The following KCNAB2 variants were observed in gnomAD, a reference collection of about 807,000 sequenced individuals.
The protein encoded by KCNAB2 is potassium voltage-gated channel subfamily A regulatory beta subunit 2, also known as voltage-gated potassium channel subunit beta-2.
KCNAB2 carries 29 observed loss-of-function variants against 63.6 expected under a neutral mutation model. That is an observed-to-expected ratio of 0.46 (90% CI 0.34 to 0.62). The LOEUF is 0.62. Ranked by LOEUF, KCNAB2 falls within the 20% of genes least tolerant of loss-of-function variation. KCNAB2 has a pLI of 0.01. For synonymous variants in KCNAB2, 222 were observed against 224.2 expected (o/e 0.99, Z 0.09); for missense variants, 359 against 563.9 (o/e 0.64, Z 3.68).
Position 6,098,584 on chromosome 1 carries a change from G to A in KCNAB2, c.*10G>A, listed in dbSNP as rs1355804493. 2.5e-6 allele frequency: 4 copies of A among 1,612,754 alleles called. No homozygotes were observed. Among genetic ancestry groups the A allele is most frequent in the East Asian group, 2.2e-5 (1 of 44,876 alleles). ...GGACTACAGATCCTAAGCCGCCCCC[G>A]CCCGCCTGCTCGGACAGTTTCCGTT... is the stretch of plus-strand genomic sequence containing the variant. On this transcript the variant is annotated 3_prime_UTR_variant, in exon 16 of 16. Transcript: ENST00000378083.
chr1:6,079,475 T>C (rs952086075), intron 4 of KCNAB2, among the ~76,000 whole-genome samples: 10 of 151,782 alleles, frequency 6.6e-5, no homozygotes, highest in Middle Eastern at 6.8e-3. Context: ...GCCAAGATTG[T>C]GCCACTGCAC....
chr1:6,016,065 A>G (rs576401046), intron 1 of KCNAB2, among the ~76,000 whole-genome samples: 6 of 152,358 alleles, frequency 3.9e-5, no homozygotes, highest in African/African-American at 1.4e-4. Flanking sequence ...CTCTGATGCA[A>G]GGAACATCTT....
upstream of KCNAB2, among the ~76,000 whole-genome samples, chr1:6,040,987 C>T (rs2100458920): frequency 6.6e-6 from 1 of 152,360 alleles, no homozygotes; most frequent in East Asian, 1.9e-4. Context: ...CATCCTGTTC[C>T]TCCCACTTTA....
chr1:6,088,989 C>T lies in KCNAB2; in HGVS notation c.471-19C>T, dbSNP rs373324882. On this transcript the variant is annotated intron_variant, in intron 7 of 15. Coordinates refer to ENST00000378083, the MANE Select transcript of KCNAB2 (RefSeq NM_001199862.2). ...CCAAAACCGCTGGTGACATCACACG[C>T]GGTCGGCCTGTTTTCCAGGGCGGAG... 1.0e-5 allele frequency: 16 copies of T among 1,548,628 alleles called. No homozygotes were observed. The highest frequency in any genetic ancestry group is 3.4e-4 in the Middle Eastern group (2 of 5,818).
At chr1:6,082,681 C>T (rs1032667924) in intron 5 of KCNAB2, among the ~76,000 whole-genome samples, 1 of 152,198 alleles carries the variant, frequency 6.6e-6, no homozygotes, top group Non-Finnish European at 1.5e-5. Flanking sequence ...GTGGGGAGCA[C>T]TTCCCATCTT....
At chr1:6,048,010 C>T (rs778648764) in intron 1 of KCNAB2, among the ~76,000 whole-genome samples, 53 of 152,214 alleles carry the variant, frequency 3.5e-4, no homozygotes, top group Non-Finnish European at 5.4e-4. Context: ...AGATTGCAAG[C>T]GGGCCCCCAC....
exon 1 of KCNAB2, chr1:6,034,777 G>T (rs931477600): frequency 3.3e-5 from 5 of 152,424 alleles, no homozygotes; most frequent in Non-Finnish European, 7.3e-5. Flanking sequence ...CTGGCCTTCA[G>T]CAGGCTGGGT....
intron 1 of KCNAB2, among the ~76,000 whole-genome samples, chr1:5,993,436 C>T (rs1656688416): frequency 6.6e-6 from 1 of 152,182 alleles, no homozygotes; most frequent in African/African-American, 2.4e-5. Context: ...ACCGCCACTT[C>T]TGACCCTGAG....
At chr1:6,014,492 A>T (rs1658371270) in intron 1 of KCNAB2, among the ~76,000 whole-genome samples, 1 of 152,264 alleles carries the variant, frequency 6.6e-6, no homozygotes, top group African/African-American at 2.4e-5. Context: ...AGTCTGTATG[A>T]GCAACTCAAA....
chr1:6,059,678 C>T (rs866078590), intron 2 of KCNAB2, among the ~76,000 whole-genome samples: 1 of 152,122 alleles, frequency 6.6e-6, no homozygotes, highest in Non-Finnish European at 1.5e-5. Flanking sequence ...GAGAGGTGCT[C>T]GCTTGGGGCT....
Position 6,098,480 on chromosome 1 carries a change from C to G in KCNAB2, c.1159-5C>G. The stretch of plus-strand genomic sequence containing the variant: ...ATTCTGATTTGTTGTTGTTCTTGCA[C>G]GCAGGTCCTTCCGAAACTGTCATCT... On this transcript the variant is annotated splice_region_variant and splice_polypyrimidine_tract_variant and intron_variant, in intron 15 of 15. Transcript: ENST00000378083. The G allele has an allele frequency of 1.2e-6, 2 of 1,613,812 alleles. No individual in the cohort carries two copies. The highest frequency in any genetic ancestry group is 1.7e-6 in the Non-Finnish European group (2 of 1,179,888).
At chr1:6,098,107 G>C in intron 15 of KCNAB2, 2 of 994,644 alleles carry the variant, frequency 2.0e-6, no homozygotes, top group Non-Finnish European at 2.4e-6. Context: ...GTCGGTCCCC[G>C]GGTGTGTCAC....
At chr1:6,009,902 A>C (rs1570850074) in intron 1 of KCNAB2, among the ~76,000 whole-genome samples, 16 of 133,190 alleles carry the variant, frequency 1.2e-4, no homozygotes, top group Admixed American at 2.4e-4. Flanking sequence ...ACAGGGTCTC[A>C]CTCTGCCGCC....
intron 3 of KCNAB2, 108 bp downstream of exon 3, chr1:6,072,906 A>C: frequency 9.8e-7 from 1 of 1,023,686 alleles, no homozygotes; most frequent in Non-Finnish European, 1.5e-6. Context: ...AAACCTTGGC[A>C]CTCCCCAGGG....
At chr1:6,075,685 A>G (rs546915121) in intron 4 of KCNAB2, among the ~76,000 whole-genome samples, 1 of 152,256 alleles carries the variant, frequency 6.6e-6, no homozygotes. Flanking sequence ...GCAGGGAAGC[A>G]AGGACCGTCC....
rs189956990 is a variant in KCNAB2 at position 6,051,861 on chromosome 1, G to A, written c.218+107G>A. Reference sequence around the variant, plus strand: ...GTTCACACCTGTAATCCCAGCACTTGGGGAGGCAGAGGCGGGTGGATCACC... The same window carrying A: ...GTTCACACCTGTAATCCCAGCACTTAGGGAGGCAGAGGCGGGTGGATCACC... On this transcript the variant is annotated intron_variant, in intron 2 of 15. Coordinates refer to ENST00000378083, the MANE Select transcript of KCNAB2 (RefSeq NM_001199862.2). 111 of 1,301,372 alleles carry A rather than the reference G, an allele frequency of 8.5e-5. No individual in the cohort carries two copies. In the Middle Eastern group the frequency reaches 1.9e-3, roughly 22 times the overall value. 80.6% of individuals were successfully genotyped at this position (1,301,372 alleles called of 1,614,324 possible). A position where few individuals can be genotyped will look rare whatever the true frequency, so the allele number is the denominator to read the frequency against.
chr1:6,032,651 AAAAAG>A (rs1052799970), upstream of KCNAB2, among the ~76,000 whole-genome samples: 4 of 151,990 alleles, frequency 2.6e-5, no homozygotes, highest in Non-Finnish European at 4.4e-5. Flanking sequence ...AGAAGGAAGG[AAAAAG>A]AAAAGAAAAG....
At chr1:6,094,771 G>A (rs919290227) in intron 11 of KCNAB2, among the ~76,000 whole-genome samples, 1 of 152,160 alleles carries the variant, frequency 6.6e-6, no homozygotes, top group African/African-American at 2.4e-5. Flanking sequence ...AGCCCCCATG[G>A]GGCCATTCTA....
chr1:6,040,401 G>T (rs1027798459), intron 1 of KCNAB2: 7 of 647,406 alleles, frequency 1.1e-5, no homozygotes, highest in Non-Finnish European at 2.0e-5. Context: ...GCTCCCCGAT[G>T]CCCTGAACCC....
Sources: allele counts gnomAD v4.1 joint callset (sites outside exome capture counted in the v4.1 genomes callset), GRCh38; gene constraint gnomAD v4.1.1; transcripts MANE v1.5; gene names NCBI Gene and HGNC (gene_info 2026-07-23, HGNC 2026-07-21).